Variants in TRPM3 observed in about 807,000 individuals in gnomAD.
TRPM3 encodes the protein transient receptor potential cation channel subfamily M member 3.
TRPM3 carries 77 observed loss-of-function variants against 181.2 expected under a neutral mutation model. That is an observed-to-expected ratio of 0.42 (90% CI 0.35 to 0.51). TRPM3 has a LOEUF of 0.51. TRPM3 is among the 20% of genes least tolerant of loss of function. The pLI, the probability that TRPM3 is intolerant of heterozygous loss-of-function variation, is 0.01. For missense variants in TRPM3, 1,759 were observed against 2,196.7 expected (o/e 0.80, Z 3.98); for synonymous variants, 745 against 796.4 (o/e 0.94, Z 1.09).
intron 12 of TRPM3, among the ~76,000 whole-genome samples, chr9:70,631,462 T>C (rs1408747877): frequency 6.6e-6 from 1 of 150,616 alleles, no homozygotes; most frequent in Non-Finnish European, 1.5e-5. Flanking sequence ...CACATAACAC[T>C]CAAATAGCAT....
intron 1 of TRPM3, among the ~76,000 whole-genome samples, chr9:71,160,103 T>C (rs957180432): frequency 9.9e-5 from 15 of 152,264 alleles, no homozygotes; most frequent in Non-Finnish European, 1.3e-4. Flanking sequence ...TATACTGGCC[T>C]CCATGTTATT....
intron 1 of TRPM3, among the ~76,000 whole-genome samples, chr9:70,870,424 G>A (rs2095763344): frequency 6.6e-6 from 1 of 152,034 alleles, no homozygotes; most frequent in Non-Finnish European, 1.5e-5. Flanking sequence ...AACACATGAT[G>A]GAGGAAGTCC....
chr9:70,838,291 C>G (rs540741026), intron 5 of TRPM3, among the ~76,000 whole-genome samples: 1 of 152,164 alleles, frequency 6.6e-6, no homozygotes, highest in East Asian at 1.9e-4. Context: ...TGTTGAAATT[C>G]AAATTTCCAA....
chr9:71,400,420 AGGGATTTT>A (rs2093315309), intron 1 of TRPM3, among the ~76,000 whole-genome samples: 1 of 152,104 alleles, frequency 6.6e-6, no homozygotes, highest in African/African-American at 2.4e-5. Flanking sequence ...TGATCTAGAG[AGGGATTTT>A]TGTTACTTAT....
chr9:70,925,218 G>A (rs991673311), intron 1 of TRPM3, among the ~76,000 whole-genome samples: 3 of 152,146 alleles, frequency 2.0e-5, no homozygotes, highest in Non-Finnish European at 2.9e-5. Context: ...GCTTAAGGGC[G>A]TTCAACGAAG....
chr9:71,033,011 A>T (rs1221480401), intron 1 of TRPM3, among the ~76,000 whole-genome samples: 1 of 152,214 alleles, frequency 6.6e-6, no homozygotes, highest in African/African-American at 2.4e-5. Context: ...AAGTAATCAG[A>T]TTCTATTTCC....
chr9:71,325,174 C>T (rs1285290307), intron 1 of TRPM3, among the ~76,000 whole-genome samples: 2 of 152,122 alleles, frequency 1.3e-5, no homozygotes, highest in East Asian at 1.9e-4. Context: ...GTAACAAATA[C>T]ATTATTAGTA....
intron 1 of TRPM3, among the ~76,000 whole-genome samples, chr9:71,306,459 A>G (rs888276117): frequency 6.6e-6 from 1 of 152,258 alleles, no homozygotes; most frequent in Non-Finnish European, 1.5e-5. Flanking sequence ...TATTCAACAT[A>G]GAAACTTTTA....
chr9:71,203,510 A>G (rs1016694737), intron 1 of TRPM3, among the ~76,000 whole-genome samples: 8 of 152,324 alleles, frequency 5.3e-5, no homozygotes, highest in African/African-American at 1.2e-4. Flanking sequence ...TAAAGGCCCA[A>G]TAGGGGATGG....
chr9:70,864,526 A>AAAAC lies in TRPM3; in HGVS notation c.178-16_178-15insGTTT. 8.8e-6 allele frequency: 7 copies of AAAAC among 798,590 alleles called. No homozygotes were observed. The highest frequency in any genetic ancestry group is 9.5e-6 in the Non-Finnish European group (6 of 633,652). 49.5% of individuals were successfully genotyped at this position (798,590 alleles called of 1,614,324 possible). On this transcript the variant is annotated splice_polypyrimidine_tract_variant and intron_variant, in intron 1 of 25. Transcript: ENST00000677713. ...GATTTCTGAGCCTGAAAAAGAAAAC[A>AAAAC]AAAAAAAAAAAAAAAGAAAAAAGAA... is the stretch of plus-strand genomic sequence containing the variant.
At chr9:71,086,412 A>T (rs968417362) in intron 1 of TRPM3, among the ~76,000 whole-genome samples, 8 of 151,998 alleles carry the variant, frequency 5.3e-5, no homozygotes, top group African/African-American at 1.9e-4. Flanking sequence ...AACCTTAAAA[A>T]ATGAGGTATA....
intron 1 of TRPM3, among the ~76,000 whole-genome samples, chr9:70,909,935 C>T (rs1378986377): frequency 6.6e-6 from 1 of 152,126 alleles, no homozygotes; most frequent in Non-Finnish European, 1.5e-5. Context: ...GGGACTGAAA[C>T]TTTTAAATAC....
At chr9:71,345,916 T>C (rs2091265722) in intron 1 of TRPM3, among the ~76,000 whole-genome samples, 1 of 152,144 alleles carries the variant, frequency 6.6e-6, no homozygotes, top group Non-Finnish European at 1.5e-5. Context: ...ACATAAAATA[T>C]TGGCAGATGT....
At chr9:71,069,580 A>T (rs2062428845) in intron 1 of TRPM3, among the ~76,000 whole-genome samples, 1 of 150,710 alleles carries the variant, frequency 6.6e-6, no homozygotes, top group Admixed American at 6.6e-5. Context: ...TAGGAATAGG[A>T]GGGCCTGTAT....
At chr9:71,237,808 G>A (rs1297718640) in intron 1 of TRPM3, among the ~76,000 whole-genome samples, 4 of 152,156 alleles carry the variant, frequency 2.6e-5, no homozygotes, top group African/African-American at 9.7e-5. Context: ...CTGGCATTTG[G>A]TCTAGTGAGG....
chr9:71,183,441 C>T (rs2077512172), intron 1 of TRPM3, among the ~76,000 whole-genome samples: 1 of 152,104 alleles, frequency 6.6e-6, no homozygotes, highest in Non-Finnish European at 1.5e-5. Flanking sequence ...AATGTCTTTC[C>T]TCTTCTGCTT....
At chr9:70,802,823 T>C (rs2089506622) in intron 6 of TRPM3, among the ~76,000 whole-genome samples, 1 of 152,120 alleles carries the variant, frequency 6.6e-6, no homozygotes, top group Admixed American at 6.5e-5. Flanking sequence ...ATTTAGTACA[T>C]TTACTATTTG....
At chr9:70,605,480 C>T (rs1589210431) in intron 19 of TRPM3, among the ~76,000 whole-genome samples, 1 of 151,978 alleles carries the variant, frequency 6.6e-6, no homozygotes, top group African/African-American at 2.4e-5. Context: ...TCATTTCAAC[C>T]TATGCCTAAG....
chr9:71,160,640 C>G (rs991580091), intron 1 of TRPM3, among the ~76,000 whole-genome samples: 9 of 152,162 alleles, frequency 5.9e-5, no homozygotes, highest in African/African-American at 1.9e-4. Context: ...CAAGTTCCAT[C>G]TCCTCTGTGA....
Sources: gnomAD v4.1 joint callset for allele counts (sites outside exome capture counted in the v4.1 genomes callset) on GRCh38, gnomAD v4.1.1 for gene constraint, MANE v1.5 for transcripts, NCBI Gene and HGNC (gene_info 2026-07-23, HGNC 2026-07-21) for gene names.